The following USP15 variants were observed in gnomAD, a reference collection of about 807,000 sequenced individuals.
USP15 encodes ubiquitin specific peptidase 15.
USP15 carries 18 observed loss-of-function variants against 127.1 expected under a neutral mutation model. That is an observed-to-expected ratio of 0.14 (90% CI 0.10 to 0.21). The LOEUF (loss-of-function observed/expected upper bound fraction) is 0.21. Among genes scored for constraint, USP15 ranks in the 10% least tolerant of loss-of-function variants. The pLI, the probability that USP15 is intolerant of heterozygous loss-of-function variation, is 1.00. For synonymous variants in USP15, 364 were observed against 393.7 expected (o/e 0.92, Z 0.89); for missense variants, 805 against 1,159.9 (o/e 0.69, Z 4.44).
chr12:62,399,891 A>G (rs1036373059), intron 20 of USP15, among the ~76,000 whole-genome samples: 1 of 152,176 alleles, frequency 6.6e-6, no homozygotes, highest in African/African-American at 2.4e-5. Flanking sequence ...ACCAAAGATA[A>G]TGCTTACCTT....
At chr12:62,363,712 C>G (rs1484971373) in intron 8 of USP15, among the ~76,000 whole-genome samples, 2 of 152,048 alleles carry the variant, frequency 1.3e-5, no homozygotes, top group Admixed American at 6.6e-5. Context: ...CTCTCTCCCT[C>G]TCTCCCTCTC....
At chr12:62,288,902 C>T (rs926104529) in intron 1 of USP15, among the ~76,000 whole-genome samples, 7 of 152,106 alleles carry the variant, frequency 4.6e-5, no homozygotes, top group African/African-American at 1.4e-4. Context: ...TATTGATTTG[C>T]ATATGTTGAA....
At chr12:62,330,464 A>G (rs867314310) in intron 6 of USP15, among the ~76,000 whole-genome samples, 2 of 151,818 alleles carry the variant, frequency 1.3e-5, no homozygotes, top group Non-Finnish European at 1.5e-5. Flanking sequence ...AGGCGCCTGT[A>G]ACCCCAGCTA....
chr12:62,321,273 A>G lies in USP15; in HGVS notation c.476-191A>G, dbSNP rs139070307. On this transcript the variant is annotated intron_variant, in intron 4 of 21. Coordinates refer to ENST00000280377, the MANE Select transcript of USP15 (RefSeq NM_001252078.2). ...TCCCCAAGTAATTTGTTGGAGTACA[A>G]ATACCATTTTTTCCATAAAAACTTG... 3.1e-3 allele frequency among the ~76,000 whole-genome samples: 475 copies of G among 152,294 alleles called. 1 individual carries two copies. Among genetic ancestry groups the G allele is most frequent in the African/African-American group, 0.011 (447 of 41,570 alleles).
At chr12:62,383,275 A>G (rs528624070) in intron 9 of USP15, among the ~76,000 whole-genome samples, 80 of 152,080 alleles carry the variant, frequency 5.3e-4, no homozygotes, top group African/African-American at 1.9e-3. Flanking sequence ...ATTTTCGTCA[A>G]CCAGACAATG....
intron 6 of USP15, among the ~76,000 whole-genome samples, chr12:62,331,329 GT>G (rs2065293595): frequency 6.6e-6 from 1 of 152,146 alleles, no homozygotes; most frequent in Admixed American, 6.6e-5. Context: ...ATGTCTGGGT[GT>G]GGCTCATTTC....
chr12:62,298,103 G>A (rs1247871729), intron 2 of USP15, among the ~76,000 whole-genome samples: 1 of 152,150 alleles, frequency 6.6e-6, no homozygotes, highest in Non-Finnish European at 1.5e-5. Flanking sequence ...CTAATCAGAG[G>A]ATTAAAAATA....
chr12:62,264,935 A>C (rs1263567386), intron 1 of USP15, among the ~76,000 whole-genome samples: 1 of 152,144 alleles, frequency 6.6e-6, no homozygotes, highest in Non-Finnish European at 1.5e-5. Context: ...AAAAGGAAAA[A>C]CTTCTTCAGT....
chr12:62,279,153 CT>C (rs1408968394), intron 1 of USP15: 1 of 152,140 alleles, frequency 6.6e-6, no homozygotes, highest in African/African-American at 2.4e-5. Flanking sequence ...TCATCACCTC[CT>C]TATTTCTTCC....
At chr12:62,289,468 C>T (rs1022054614) in intron 1 of USP15, among the ~76,000 whole-genome samples, 1 of 151,684 alleles carries the variant, frequency 6.6e-6, no homozygotes, top group African/African-American at 2.4e-5. Context: ...TTTTTATTTC[C>T]GATTGTGTTT....
chr12:62,261,032 C>T (rs1265614865), intron 1 of USP15, among the ~76,000 whole-genome samples: 1 of 152,090 alleles, frequency 6.6e-6, no homozygotes, highest in African/African-American at 2.4e-5. Flanking sequence ...GTCAGGGCTC[C>T]ACATAAGAGA....
chr12:62,352,179 T>C (rs937273205), intron 7 of USP15, among the ~76,000 whole-genome samples: 2 of 151,812 alleles, frequency 1.3e-5, no homozygotes, highest in Non-Finnish European at 2.9e-5. Context: ...TTCTAAGATA[T>C]AAAATTTTTA....
In USP15 at chr12:62,328,152, T is replaced by C. The variant is rs571943945; in HGVS notation, c.683+2219T>C. On this transcript the variant is annotated intron_variant, in intron 6 of 21. Transcript: ENST00000280377. ...TAAAGTTCACTATTCGTATATGATA[T>C]AGTCATTTGTATAAAATCCAAAACA... 86 of 290,830 alleles carry C rather than the reference T, an allele frequency of 3.0e-4. 1 individual carries two copies. The highest frequency in any genetic ancestry group is 2.6e-3 in the South Asian group (83 of 31,384). The allele number at this position is 290,830 out of a possible 1,614,324, so 18.0% of individuals were successfully genotyped here.
intron 1 of USP15, among the ~76,000 whole-genome samples, chr12:62,263,590 C>T (rs902374055): frequency 6.6e-6 from 1 of 152,128 alleles, no homozygotes; most frequent in Non-Finnish European, 1.5e-5. Context: ...TGAAGAGAAA[C>T]ATACTTTATG....
At chr12:62,398,299 T>C (rs764151859) in intron 20 of USP15, among the ~76,000 whole-genome samples, 1 of 152,190 alleles carries the variant, frequency 6.6e-6, no homozygotes, top group Non-Finnish European at 1.5e-5. Flanking sequence ...GGCTTGTATG[T>C]ATTTATTCTG....
intron 1 of USP15, among the ~76,000 whole-genome samples, chr12:62,283,172 C>G (rs1015456295): frequency 6.6e-6 from 1 of 152,158 alleles, no homozygotes; most frequent in South Asian, 2.1e-4. Context: ...TAACCCGTTA[C>G]AAACTACTTT....
chr12:62,330,103 A>G (rs2065245634), intron 6 of USP15, among the ~76,000 whole-genome samples: 2 of 152,222 alleles, frequency 1.3e-5, no homozygotes, highest in African/African-American at 2.4e-5. Context: ...TGAGAGAAAG[A>G]AACAATGAGA....
chr12:62,402,737 T>C (rs1369263981), intron 21 of USP15, among the ~76,000 whole-genome samples: 2 of 152,060 alleles, frequency 1.3e-5, no homozygotes, highest in Non-Finnish European at 2.9e-5. Flanking sequence ...TTTAGACATT[T>C]TCTTACAGAC....
At chr12:62,301,302 G>A (rs957449232) in intron 2 of USP15, among the ~76,000 whole-genome samples, 1 of 152,086 alleles carries the variant, frequency 6.6e-6, no homozygotes, top group Non-Finnish European at 1.5e-5. Flanking sequence ...TTAGACATAC[G>A]TTTATTGTAG....
Sources: allele counts gnomAD v4.1 joint callset (sites outside exome capture counted in the v4.1 genomes callset), GRCh38; gene constraint gnomAD v4.1.1; transcripts MANE v1.5; gene names NCBI Gene and HGNC (gene_info 2026-07-23, HGNC 2026-07-21).